SCN9A: variants seen among roughly 807,000 people sequenced by gnomAD.
The protein encoded by SCN9A is sodium channel protein type 9 subunit alpha.
In SCN9A, 131 loss-of-function variants were observed where a neutral mutation model predicts 187.0. That is an observed-to-expected ratio of 0.70 (90% CI 0.61 to 0.81). The LOEUF (loss-of-function observed/expected upper bound fraction) is 0.81, where lower values mean the gene tolerates loss of function less well. Ranked by LOEUF, SCN9A falls within the 30% of genes least tolerant of loss-of-function variation. The pLI is 0.00. For synonymous variants in SCN9A, 809 were observed against 808.6 expected (o/e 1.00, Z -0.01); for missense variants, 2,252 against 2,396.6 (o/e 0.94, Z 1.26).
intron 1 of SCN9A, among the ~76,000 whole-genome samples, chr2:166,349,126 A>AAAACAAACAAAC (rs150473901): frequency 6.7e-6 from 1 of 150,260 alleles, no homozygotes; most frequent in African/African-American, 2.5e-5. Context: ...AAACTCCGTC[A>AAAACAAACAAAC]AAACAAACAA....
At chr2:166,213,458 CCAA>C (rs1462295102) in intron 24 of SCN9A, among the ~76,000 whole-genome samples, 2 of 86,254 alleles carry the variant, frequency 2.3e-5, no homozygotes, top group African/African-American at 4.2e-5. Context: ...ACAAATTGAA[CCAA>C]TAATAATAAT....
chr2:166,233,150 C>A (rs1188523076), intron 21 of SCN9A, among the ~76,000 whole-genome samples, 190 bp downstream of exon 21: 1 of 142,664 alleles, frequency 7.0e-6, no homozygotes, highest in African/African-American at 2.8e-5. Flanking sequence ...TATGTAAATG[C>A]ATACTATATA....
chr2:166,365,829 A>G (rs1408451420), intron 1 of SCN9A, among the ~76,000 whole-genome samples: 1 of 152,120 alleles, frequency 6.6e-6, no homozygotes, highest in Non-Finnish European at 1.5e-5. Flanking sequence ...AGTGGCGAAT[A>G]TTTATCTCTT....
rs200417967 is a variant in SCN9A at position 166,305,856 on chromosome 2, C to T, written c.532G>A (p.Val178Ile). The change falls in exon 5 of 27, where the codon GTA becomes ATA. Residue 178 changes from valine to isoleucine, a missense_variant. Transcript: ENST00000642356. ...TCACGAAGAAAAGTGAATTCTCCTA[C>T]ACAGAAGCCTCTTGCAAGGATTTTT... ...LVKILARGFC[V>I]GEFTFLRDPW... is the part of the protein sequence containing the mutation. 8.7e-6 allele frequency: 14 copies of T among 1,613,246 alleles called. No individual in the cohort carries two copies. In the African/African-American group the frequency reaches 1.5e-4, roughly 17 times the overall value.
At chr2:166,306,833 T>C (rs1391579243) in intron 3 of SCN9A, 123 bp downstream of exon 3, 4 of 647,894 alleles carry the variant, frequency 6.2e-6, no homozygotes, top group Non-Finnish European at 1.1e-5. Flanking sequence ...TTAATAATAC[T>C]GAAATTAATA....
intron 24 of SCN9A, among the ~76,000 whole-genome samples, chr2:166,219,926 GCA>G (rs779640794): frequency 1.3e-5 from 2 of 152,014 alleles, no homozygotes; most frequent in Non-Finnish European, 2.9e-5. Flanking sequence ...CCATAAATAA[GCA>G]CAATTTTTGT....
At chr2:166,302,419 C>T (rs1391694923) in intron 7 of SCN9A, 1 of 152,082 alleles carries the variant, frequency 6.6e-6, no homozygotes, top group Non-Finnish European at 1.5e-5. Flanking sequence ...GTGGTACCTA[C>T]AGAAATAATT....
At chr2:166,321,877 T>C (rs1289321054) in intron 1 of SCN9A, among the ~76,000 whole-genome samples, 1 of 151,012 alleles carries the variant, frequency 6.6e-6, no homozygotes, top group East Asian at 2.0e-4. Context: ...GTTTTGCTCA[T>C]ACTCACTCAT....
At chr2:166,292,567 A>G (rs1698123431) in intron 9 of SCN9A, among the ~76,000 whole-genome samples, 1 of 152,102 alleles carries the variant, frequency 6.6e-6, no homozygotes, top group Admixed American at 6.6e-5. Flanking sequence ...AAAGTGAATC[A>G]TTGTTATGTG....
At chr2:166,321,148 G>T (rs1328939706) in intron 1 of SCN9A, among the ~76,000 whole-genome samples, 2 of 152,154 alleles carry the variant, frequency 1.3e-5, no homozygotes, top group Non-Finnish European at 1.5e-5. Context: ...TTTGGATTTT[G>T]TTTGGTTTGA....
At chr2:166,293,087 G>T in intron 9 of SCN9A, 144 bp downstream of exon 9, 2 of 669,752 alleles carry the variant, frequency 3.0e-6, no homozygotes, top group South Asian at 2.2e-5. Flanking sequence ...AGTGATGGGA[G>T]TAAAACACTT....
intron 16 of SCN9A, among the ~76,000 whole-genome samples, chr2:166,274,666 C>A (rs1362543457): frequency 6.6e-6 from 1 of 152,050 alleles, no homozygotes; most frequent in Non-Finnish European, 1.5e-5. Flanking sequence ...TGTATACTTT[C>A]TTTGCCAAGA....
At chr2:166,288,680 A>C in intron 9 of SCN9A, 37 bp from the exon 10 acceptor site, 1 of 1,478,896 alleles carries the variant, frequency 6.8e-7, no homozygotes, top group Non-Finnish European at 9.1e-7. Flanking sequence ...GAACAATAAA[A>C]AGTTTTTTTA....
At chr2:166,225,306 C>A (rs1694797994) in intron 24 of SCN9A, among the ~76,000 whole-genome samples, 1 of 152,132 alleles carries the variant, frequency 6.6e-6, no homozygotes, top group Admixed American at 6.6e-5. Flanking sequence ...TCTCAATTGT[C>A]ACGTATTTCA....
chr2:166,282,922 G>C (rs1473505990), intron 12 of SCN9A, among the ~76,000 whole-genome samples: 1 of 152,084 alleles, frequency 6.6e-6, no homozygotes, highest in Non-Finnish European at 1.5e-5. Flanking sequence ...TTTCCATGTA[G>C]ACATGTTTCA....
intron 1 of SCN9A, among the ~76,000 whole-genome samples, chr2:166,331,072 G>A (rs1202399799): frequency 6.6e-6 from 1 of 152,082 alleles, no homozygotes; most frequent in Non-Finnish European, 1.5e-5. Flanking sequence ...TATTAAAAGT[G>A]AGAACAAAAA....
chr2:166,223,779 A>C (rs1050746062), intron 24 of SCN9A, among the ~76,000 whole-genome samples: 8 of 152,178 alleles, frequency 5.3e-5, no homozygotes, highest in African/African-American at 1.7e-4. Context: ...AAAGGATACC[A>C]CTTTCATTTG....
In SCN9A at chr2:166,205,683, G is replaced by A. The variant is rs560302798; in HGVS notation, c.4399-1219C>T. 1.1e-4 allele frequency among the ~76,000 whole-genome samples: 17 copies of A among 152,232 alleles called. No homozygotes were observed. In the East Asian group the frequency reaches 2.7e-3, roughly 24 times the overall value. On this transcript the variant is annotated intron_variant, in intron 24 of 26. Coordinates refer to ENST00000642356, the MANE Select transcript of SCN9A (RefSeq NM_001365536.1). The stretch of plus-strand genomic sequence containing the variant: ...AAATGGGATCTAATTAAACTAAAGA[G>A]CTTCTGCAAAGCAAAAGAAACTATC...
intron 1 of SCN9A, among the ~76,000 whole-genome samples, chr2:166,327,793 T>C (rs1699401381): frequency 6.6e-6 from 1 of 152,192 alleles, no homozygotes; most frequent in Non-Finnish European, 1.5e-5. Flanking sequence ...ATCTTCACTA[T>C]GAATTTGTCC....
Sources: allele counts gnomAD v4.1 joint callset (sites outside exome capture counted in the v4.1 genomes callset), GRCh38; gene constraint gnomAD v4.1.1; transcripts MANE v1.5; gene names NCBI Gene and HGNC (gene_info 2026-07-23, HGNC 2026-07-21).